The following ARID1A variants were observed in gnomAD, a reference collection of about 807,000 sequenced individuals.
ARID1A encodes AT-rich interaction domain 1A, also known as AT-rich interactive domain-containing protein 1A.
Under a neutral mutation model 212.6 loss-of-function variants are expected in ARID1A, and 20 were observed. The ratio of observed to expected loss-of-function variants is 0.09; its 90% CI spans 0.07 to 0.14. The LOEUF is 0.14. Ranked by LOEUF, ARID1A falls within the 10% of genes least tolerant of loss-of-function variation. ARID1A has a pLI of 1.00. For missense variants in ARID1A, 2,587 were observed against 3,059.0 expected (o/e 0.85, Z 3.64); for synonymous variants, 1,376 against 1,222.1 (o/e 1.13, Z -2.63).
At chr1:26,718,231 T>TCC (rs2080522824) in intron 1 of ARID1A, among the ~76,000 whole-genome samples, 1 of 152,196 alleles carries the variant, frequency 6.6e-6, no homozygotes, top group Non-Finnish European at 1.5e-5. Flanking sequence ...TGCCTCCGCC[T>TCC]CCCAAAGTGC....
intron 1 of ARID1A, among the ~76,000 whole-genome samples, chr1:26,725,787 CT>C (rs1339315628): frequency 6.6e-6 from 1 of 151,040 alleles, no homozygotes; most frequent in Non-Finnish European, 1.5e-5. Flanking sequence ...TGTCCTTAGC[CT>C]TTTGTTTTTA....
intron 19 of ARID1A, among the ~76,000 whole-genome samples, chr1:26,776,748 G>A (rs556266064): frequency 3.9e-5 from 6 of 152,150 alleles, no homozygotes; most frequent in South Asian, 2.1e-4. Flanking sequence ...ACCATTTATC[G>A]TGCTCTTATT....
chr1:26,747,095 G>A (rs78634538), intron 4 of ARID1A, among the ~76,000 whole-genome samples: 1 of 152,160 alleles, frequency 6.6e-6, no homozygotes, highest in Admixed American at 6.5e-5. Flanking sequence ...TAAATCAAGC[G>A]TAGAATTAGC....
intron 1 of ARID1A, 152 bp from the exon 2 acceptor site, chr1:26,729,499 C>G (rs548212123): frequency 1.2e-6 from 1 of 838,112 alleles, no homozygotes; most frequent in Admixed American, 2.7e-5. Flanking sequence ...GGTCAGTTGA[C>G]TTAAAGGTTA....
intron 1 of ARID1A, among the ~76,000 whole-genome samples, chr1:26,701,213 A>G (rs1570545401): frequency 6.6e-6 from 1 of 152,320 alleles, no homozygotes; most frequent in South Asian, 2.1e-4. Flanking sequence ...AAAAGGTTGT[A>G]TTGATTGGCT....
chr1:26,699,100 T>C (rs1000077676), intron 1 of ARID1A, among the ~76,000 whole-genome samples: 11 of 152,234 alleles, frequency 7.2e-5, no homozygotes, highest in African/African-American at 2.2e-4. Context: ...TTTTCTGTTT[T>C]GTCATCAGTC....
At chr1:26,748,725 G>GGGCA (rs2080859189) in intron 4 of ARID1A, among the ~76,000 whole-genome samples, 1 of 151,802 alleles carries the variant, frequency 6.6e-6, no homozygotes, top group African/African-American at 2.4e-5. Context: ...AGCCTTTGGG[G>GGGCA]GGCAGGGTGA....
rs1241224251 is a variant in ARID1A, at chr1:26,722,707, G to A, written c.1138-6944G>A. 2.0e-5 allele frequency among the ~76,000 whole-genome samples: 3 copies of A among 152,356 alleles called. No homozygotes were observed. The East Asian group carries it at 5.8e-4, about 29-fold the overall frequency. On this transcript the variant is annotated intron_variant, in intron 1 of 19. Transcript: ENST00000324856. ...GAATGAACTAGAATGAAGGAATTGTGAAGTAGAAAACTGAGTTATGGTTCC... is the reference window on the plus strand; with the variant it reads ...GAATGAACTAGAATGAAGGAATTGTAAAGTAGAAAACTGAGTTATGGTTCC...
chr1:26,735,441 C>G (rs773561801), intron 4 of ARID1A, among the ~76,000 whole-genome samples: 3 of 152,158 alleles, frequency 2.0e-5, no homozygotes, highest in Non-Finnish European at 2.9e-5. Flanking sequence ...TACAGGCGCC[C>G]TCTACCACGC....
intron 4 of ARID1A, among the ~76,000 whole-genome samples, chr1:26,758,584 A>C (rs1253942761): frequency 2.0e-5 from 3 of 151,418 alleles, no homozygotes; most frequent in African/African-American, 7.3e-5. Flanking sequence ...ATGCCAATGT[A>C]CTGCAGCCTG....
At chr1:26,763,404 G>A in intron 8 of ARID1A, 119 bp downstream of exon 8, 2 of 1,183,720 alleles carry the variant, frequency 1.7e-6, no homozygotes, top group Non-Finnish European at 2.3e-6. Flanking sequence ...TGTGTATGAA[G>A]TGTTAATTCT....
Position 26,774,310 on chromosome 1 carries a change from C to G in ARID1A, c.4102-19C>G. 2.0e-6 allele frequency: 3 copies of G among 1,523,766 alleles called. No homozygotes were observed. Among genetic ancestry groups the G allele is most frequent in the Non-Finnish European group, 2.6e-6 (3 of 1,135,682 alleles). 94.4% of individuals were successfully genotyped at this position (1,523,766 alleles called of 1,614,324 possible). A position where few individuals can be genotyped will look rare whatever the true frequency, so the allele number is the denominator to read the frequency against. On this transcript the variant is annotated intron_variant, in intron 17 of 19. Transcript: ENST00000324856. This position sits in a 1 kb window ranked among gnomAD's most constrained non-coding sequence, Gnocchi z 5.6. ...TGAGTGCAGAGTATTAACTTCCCCT[C>G]TGCTTGTCTCTGCCTTAGAATTACA...
intron 1 of ARID1A, among the ~76,000 whole-genome samples, chr1:26,728,611 A>C (rs1230161470): frequency 6.6e-6 from 1 of 152,202 alleles, no homozygotes; most frequent in East Asian, 1.9e-4. Context: ...GAACTCCTTC[A>C]TGTGACGGTT....
chr1:26,712,073 C>T (rs753532716), intron 1 of ARID1A, among the ~76,000 whole-genome samples: 1 of 151,486 alleles, frequency 6.6e-6, no homozygotes, highest in African/African-American at 2.4e-5. Flanking sequence ...ACAGCAAGAC[C>T]CTGTCTATAT....
At position 26,775,790 on chromosome 1, in the gene ARID1A, C is replaced by T. The variant is rs765670170; in HGVS notation, c.5124+83C>T. ...ATGGGAATGTCTCATCTTTAGCCAC[C>T]TTGGTCTTTCTCTTTCTCTCTTGTA... On this transcript the variant is annotated intron_variant, in intron 19 of 19. Transcript: ENST00000324856. 3 of 1,590,520 alleles carry T rather than the reference C, an allele frequency of 1.9e-6. No individual in the cohort carries two copies. In the African/African-American group the frequency reaches 4.0e-5, roughly 21 times the overall value.
In ARID1A at chr1:26,771,061, T is replaced by C. The variant is rs2124096270; in HGVS notation, c.3199-58T>C. The C allele has an allele frequency of 1.3e-6, 2 of 1,515,530 alleles. No individual in the cohort carries two copies. Among genetic ancestry groups the C allele is most frequent in the Non-Finnish European group, 9.2e-7 (1 of 1,091,404 alleles). The allele number at this position is 1,515,530 out of a possible 1,614,324, so 93.9% of individuals were successfully genotyped here. On this transcript the variant is annotated intron_variant, in intron 11 of 19. Coordinates refer to ENST00000324856, the MANE Select transcript of ARID1A (RefSeq NM_006015.6). This position sits in a 1 kb window ranked among gnomAD's most constrained non-coding sequence, Gnocchi z 5.4. ...TTACAGCCTGATGGGGCTTGGGGCTTATGGGCAGGAAAACCAGGCGGGAGA... is the reference window on the plus strand; with the variant it reads ...TTACAGCCTGATGGGGCTTGGGGCTCATGGGCAGGAAAACCAGGCGGGAGA...
Position 26,775,073 on chromosome 1 carries a change from G to A in ARID1A, c.4846G>A (p.Ala1616Thr), listed in dbSNP as rs2124122989. 6.2e-7 allele frequency: 1 copy of A among 1,613,136 alleles called. No individual in the cohort carries two copies. Among genetic ancestry groups the A allele is most frequent in the Non-Finnish European group, 8.5e-7 (1 of 1,179,692 alleles). Residue 1616 changes from alanine to threonine, a missense_variant, in exon 18 of 20, where the codon GCA (alanine) becomes ACA (threonine). Ala to Thr is a moderately conservative substitution (Grantham distance 58, BLOSUM62 0). Transcript: ENST00000324856. ...FLHSGMKMQK[A>T]GPPVPASHIA... The stretch of plus-strand genomic sequence containing the variant: ...GCACTCTGGGATGAAAATGCAGAAG[G>A]CAGGTCCCCCAGTACCTGCCTCGCA...
intron 19 of ARID1A, chr1:26,776,016 GTTTT>G (rs1172069551): frequency 2.3e-6 from 1 of 437,382 alleles, no homozygotes; most frequent in South Asian, 1.9e-5. Flanking sequence ...AAGAATCTGT[GTTTT>G]TTTGTTTTTT....
chr1:26,707,745 A>T lies in ARID1A; in HGVS notation c.1137+10205A>T, dbSNP rs1233798312. Among the ~76,000 whole-genome samples, 5 of 152,130 alleles carry T rather than the reference A, an allele frequency of 3.3e-5. No individual in the cohort carries two copies. The East Asian group carries it at 7.7e-4, about 23-fold the overall frequency. On this transcript the variant is annotated intron_variant, in intron 1 of 19. Coordinates refer to ENST00000324856, the MANE Select transcript of ARID1A (RefSeq NM_006015.6). Reference sequence around the variant, plus strand: ...GATGAATTTCCTAATTTAATCTTCAAAACTGTATAGGAGGTGGGTTCTATT... The same window carrying T: ...GATGAATTTCCTAATTTAATCTTCATAACTGTATAGGAGGTGGGTTCTATT...
Sources: allele counts gnomAD v4.1 joint callset (sites outside exome capture counted in the v4.1 genomes callset), GRCh38; gene constraint gnomAD v4.1.1; non-coding constraint Gnocchi (gnomAD v3.1); transcripts MANE v1.5; gene names NCBI Gene and HGNC (gene_info 2026-07-23, HGNC 2026-07-21).